The following EYS variants were observed in gnomAD, a reference collection of about 807,000 sequenced individuals.
EYS encodes the protein protein eyes shut homolog.
A neutral mutation model predicts 282.1 loss-of-function variants in EYS; 250 were observed. The observed-to-expected ratio is 0.89, with a 90% CI of 0.80 to 0.98. The LOEUF is 0.98. Ranked by LOEUF, EYS falls within the 50% of genes least tolerant of loss-of-function variation. The pLI is 0.00. For missense variants in EYS, 4,016 were observed against 3,709.0 expected, an observed-to-expected ratio of 1.08 and a Z score of -2.15; for synonymous variants, 1,355 against 1,282.9, an observed-to-expected ratio of 1.06 and a Z score of -1.20.
At chr6:63,858,808 G>A (rs1027616837) in intron 36 of EYS, among the ~76,000 whole-genome samples, 3 of 152,118 alleles carry the variant, frequency 2.0e-5, no homozygotes, top group Admixed American at 1.3e-4. Flanking sequence ...TATCAGAGTG[G>A]ATGCTATCAA....
intron 2 of EYS, among the ~76,000 whole-genome samples, chr6:65,635,735 GCAA>G (rs1767061308): frequency 6.6e-6 from 1 of 152,168 alleles, no homozygotes; most frequent in Admixed American, 6.5e-5. Context: ...CACAAGATAT[GCAA>G]CATCACTATA....
intron 12 of EYS, among the ~76,000 whole-genome samples, chr6:65,141,362 G>T (rs1764335889): frequency 6.6e-6 from 1 of 151,952 alleles, no homozygotes; most frequent in Admixed American, 6.6e-5. Context: ...GGAGCGGGGA[G>T]GGATAGCATT....
At chr6:64,834,528 C>A (rs1447095199) in intron 19 of EYS, among the ~76,000 whole-genome samples, 2 of 151,722 alleles carry the variant, frequency 1.3e-5, no homozygotes, top group Admixed American at 6.6e-5. Context: ...ATTAAAAAAT[C>A]CAGTGACCTA....
chr6:65,075,175 T>A (rs374229100), intron 12 of EYS, among the ~76,000 whole-genome samples: 1 of 152,054 alleles, frequency 6.6e-6, no homozygotes, highest in East Asian at 1.9e-4. Context: ...TTGAAGCTCT[T>A]AGACTGTGTT....
intron 31 of EYS, 57 bp from the exon 32 acceptor site, chr6:64,082,059 G>A (rs1332615815): frequency 1.7e-6 from 2 of 1,180,718 alleles, no homozygotes; most frequent in Admixed American, 5.2e-5. Flanking sequence ...TACTCAAGTA[G>A]ATAAAAACTT....
At chr6:64,008,127 C>A (rs1380818047) in intron 33 of EYS, among the ~76,000 whole-genome samples, 1 of 152,116 alleles carries the variant, frequency 6.6e-6, no homozygotes, top group Non-Finnish European at 1.5e-5. Context: ...CTTCATAGGT[C>A]TCTAAGAACT....
intron 26 of EYS, among the ~76,000 whole-genome samples, chr6:64,517,276 G>A (rs1412018079): frequency 6.6e-6 from 1 of 151,758 alleles, no homozygotes; most frequent in Non-Finnish European, 1.5e-5. Context: ...AAAGATGTCT[G>A]TGTTGGCACA....
At chr6:64,891,102 G>T (rs1337295354) in intron 18 of EYS, among the ~76,000 whole-genome samples, 1 of 151,638 alleles carries the variant, frequency 6.6e-6, no homozygotes, top group Admixed American at 6.6e-5. Flanking sequence ...GATGCAAAAA[G>T]GCCCTGGGAT....
intron 12 of EYS, among the ~76,000 whole-genome samples, chr6:65,214,209 T>G (rs1446954091): frequency 7.8e-6 from 1 of 127,994 alleles, no homozygotes; most frequent in Non-Finnish European, 1.6e-5. Context: ...TGATATAGGC[T>G]GAAAAAGTTA....
chr6:64,367,804 C>T (rs886215679), intron 29 of EYS, among the ~76,000 whole-genome samples: 3 of 152,028 alleles, frequency 2.0e-5, no homozygotes, highest in Non-Finnish European at 4.4e-5. Context: ...ACAATGTGAC[C>T]ATAGCATTAC....
At chr6:64,025,395 C>G (rs952831638) in intron 33 of EYS, among the ~76,000 whole-genome samples, 4 of 152,138 alleles carry the variant, frequency 2.6e-5, no homozygotes, top group Admixed American at 2.0e-4. Context: ...GTCGCCCAAG[C>G]AAGACTCACC....
At chr6:65,591,786 A>G (rs547630811) in intron 2 of EYS, among the ~76,000 whole-genome samples, 9 of 152,114 alleles carry the variant, frequency 5.9e-5, no homozygotes, top group Admixed American at 2.0e-4. Flanking sequence ...CTGGACTTAT[A>G]TACTCTCTCA....
chr6:64,410,613 C>T (rs1288813421), intron 28 of EYS, among the ~76,000 whole-genome samples: 1 of 152,090 alleles, frequency 6.6e-6, no homozygotes, highest in Non-Finnish European at 1.5e-5. Context: ...ATCTAAGAAG[C>T]CCAATTCATT....
Position 65,057,663 on chromosome 6 carries a change from G to T in EYS, c.2088C>A (p.Cys696Ter). 6.4e-7 allele frequency: 1 copy of T among 1,551,156 alleles called. No individual in the cohort carries two copies. ...ASHPCKNGAT[C>*]IDQPGNYFCQ... ...AGAAGTAATTACCAGGTTGGTCAAT[G>T]CAGGTGGCTCCATTTTTGCAGGGAT... is the stretch of plus-strand genomic sequence containing the variant. Residue 696 changes from cysteine to a stop codon, truncating the protein, a stop_gained, in exon 13 of 43, where the codon TGC (cysteine) becomes TGA (stop). Transcript: ENST00000503581. LOFTEE classifies it high-confidence loss of function.
chr6:63,727,917 C>A (rs1326316110), intron 41 of EYS, among the ~76,000 whole-genome samples: 13 of 147,244 alleles, frequency 8.8e-5, no homozygotes, highest in Non-Finnish European at 1.8e-4. Context: ...CGGAGTGGGA[C>A]CCTGTCGTAA....
chr6:65,149,426 A>C (rs1157819687), intron 12 of EYS, among the ~76,000 whole-genome samples: 3 of 152,152 alleles, frequency 2.0e-5, no homozygotes, highest in Non-Finnish European at 2.9e-5. Context: ...CTCAGACTGG[A>C]CTTCATTGTC....
chr6:65,527,902 GA>G (rs1767629350), intron 2 of EYS, among the ~76,000 whole-genome samples: 1 of 152,158 alleles, frequency 6.6e-6, no homozygotes, highest in Admixed American at 6.5e-5. Flanking sequence ...CTGAAATTAA[GA>G]AGCTCATTTT....
chr6:65,672,561 C>A (rs767463346), intron 1 of EYS, among the ~76,000 whole-genome samples: 1 of 152,028 alleles, frequency 6.6e-6, no homozygotes, highest in Non-Finnish European at 1.5e-5. Flanking sequence ...CAAAAAGTAA[C>A]AAGGCACATG....
At chr6:64,598,396 G>A (rs1766655834) in intron 24 of EYS, among the ~76,000 whole-genome samples, 1 of 152,236 alleles carries the variant, frequency 6.6e-6, no homozygotes, top group African/African-American at 2.4e-5. Flanking sequence ...GCGAGGCGGA[G>A]CTTGCAGTGA....
Sources: gnomAD v4.1 joint callset for allele counts (sites outside exome capture counted in the v4.1 genomes callset) on GRCh38, gnomAD v4.1.1 for gene constraint, MANE v1.5 for transcripts, NCBI Gene and HGNC (gene_info 2026-07-23, HGNC 2026-07-21) for gene names.